OLFM4: variants seen among roughly 807,000 people sequenced by gnomAD.
OLFM4 encodes olfactomedin 4.
OLFM4 carries 22 observed loss-of-function variants against 25.5 expected under a neutral mutation model. That is an observed-to-expected ratio of 0.86 (90% CI 0.62 to 1.23). OLFM4 has a LOEUF of 1.23. Among genes scored for constraint, OLFM4 ranks in the 50% most tolerant of loss-of-function variants. The probability of loss-of-function intolerance (pLI) is 0.00; values close to 1 mark genes in which losing one functional copy is unlikely to be tolerated. For synonymous variants in OLFM4, 255 were observed against 237.7 expected, an observed-to-expected ratio of 1.07 and a Z score of -0.67; for missense variants, 594 against 619.4, an observed-to-expected ratio of 0.96 and a Z score of 0.44.
At chr13:53,045,060 G>A (rs769768513) in intron 4 of OLFM4, among the ~76,000 whole-genome samples, 3 of 152,212 alleles carry the variant, frequency 2.0e-5, no homozygotes, top group Non-Finnish European at 4.4e-5. Flanking sequence ...GGCCACACAA[G>A]TAGTTAATGA....
intron 1 of OLFM4, among the ~76,000 whole-genome samples, chr13:53,032,522 C>T (rs1411452386): frequency 2.6e-5 from 4 of 151,958 alleles, no homozygotes; most frequent in African/African-American, 7.3e-5. Flanking sequence ...TGTATCTTAC[C>T]GAGTCTTTAT....
intron 4 of OLFM4, among the ~76,000 whole-genome samples, chr13:53,043,564 T>A (rs183958225): frequency 6.6e-6 from 1 of 152,038 alleles, no homozygotes; most frequent in Admixed American, 6.6e-5. Flanking sequence ...AAAATCTCTA[T>A]GGTGATGGAG....
chr13:53,048,419 A>C (rs945647213), intron 4 of OLFM4, among the ~76,000 whole-genome samples: 4 of 152,112 alleles, frequency 2.6e-5, no homozygotes, highest in African/African-American at 7.2e-5. Context: ...CCAACTGTGG[A>C]TTTATGAGAG....
intron 3 of OLFM4, 64 bp from the exon 4 acceptor site, chr13:53,043,041 C>G: frequency 7.6e-7 from 1 of 1,323,250 alleles, no homozygotes; most frequent in Non-Finnish European, 1.0e-6. Flanking sequence ...AAATTCAGCC[C>G]TGGAATGTTT....
chr13:53,034,828 T>C (rs1187132319), intron 2 of OLFM4, among the ~76,000 whole-genome samples: 1 of 152,202 alleles, frequency 6.6e-6, no homozygotes, highest in East Asian at 1.9e-4. Context: ...ACGCTGCTTC[T>C]TCCTTTTGGT....
intron 2 of OLFM4, among the ~76,000 whole-genome samples, chr13:53,035,357 G>T (rs946319428): frequency 6.6e-6 from 1 of 151,654 alleles, no homozygotes; most frequent in Non-Finnish European, 1.5e-5. Context: ...TGTATTAATG[G>T]GGTACATGAG....
chr13:53,038,076 T>C (rs1415761889), intron 2 of OLFM4, among the ~76,000 whole-genome samples: 3 of 152,182 alleles, frequency 2.0e-5, no homozygotes, highest in African/African-American at 4.8e-5. Context: ...AAAACATAGA[T>C]GAGCCATCTA....
chr13:53,045,350 G>A (rs1954710594), intron 4 of OLFM4, among the ~76,000 whole-genome samples: 1 of 152,078 alleles, frequency 6.6e-6, no homozygotes, highest in South Asian at 2.1e-4. Context: ...CACAACCTTG[G>A]CTGTACCTGA....
chr13:53,051,934 T>A lies in OLFM4; in HGVS notation c.*1163T>A, dbSNP rs1283285290. On this transcript the variant is annotated 3_prime_UTR_variant, in exon 5 of 5. Coordinates refer to ENST00000219022, the MANE Select transcript of OLFM4 (RefSeq NM_006418.5). ...TGTGATGTGCTTCTGTGCTTTTGAA[T>A]GACTTTATCATCTAGTCTTTGTCTA... The A allele has an allele frequency of 6.6e-6, 1 of 152,196 alleles. No individual in the cohort carries two copies. The highest frequency in any genetic ancestry group is 1.5e-5 in the Non-Finnish European group (1 of 68,052). The allele number at this position is 152,196 out of a possible 1,614,324, so 9.4% of individuals were successfully genotyped here. A position where few individuals can be genotyped will look rare whatever the true frequency, so the allele number is the denominator to read the frequency against.
intron 4 of OLFM4, among the ~76,000 whole-genome samples, chr13:53,045,124 A>T (rs1954709380): frequency 6.6e-6 from 1 of 152,136 alleles, no homozygotes; most frequent in East Asian, 1.9e-4. Flanking sequence ...TTCAGGACCG[A>T]AGGTGTCAGG....
intron 3 of OLFM4, among the ~76,000 whole-genome samples, 162 bp downstream of exon 3, chr13:53,042,284 A>C (rs1039351002): frequency 6.6e-6 from 1 of 152,184 alleles, no homozygotes; most frequent in Non-Finnish European, 1.5e-5. Context: ...GGATAAGGGC[A>C]TGTGTTTGAA....
At position 53,050,172 on chromosome 13, in the gene OLFM4, T is replaced by A. The variant is rs1954738694; in HGVS notation, c.934T>A (p.Leu312Met). ...YYRLYNTLDD[L>M]LLYINARELR... Reference sequence around the variant, plus strand: ...TAGACTGTACAACACACTGGATGATTTGCTATTGTATATAAATGCTCGAGA... The same window carrying A: ...TAGACTGTACAACACACTGGATGATATGCTATTGTATATAAATGCTCGAGA... The change falls in exon 5 of 5, where the codon TTG (leucine) becomes ATG (methionine). Residue 312 changes from leucine to methionine, a missense_variant. Coordinates refer to ENST00000219022, the MANE Select transcript of OLFM4 (RefSeq NM_006418.5). The A allele has an allele frequency of 6.2e-7, 1 of 1,613,916 alleles. No individual in the cohort carries two copies. Among genetic ancestry groups the A allele is most frequent in the South Asian group, 1.1e-5 (1 of 91,078 alleles).
At position 53,050,549 on chromosome 13, in the gene OLFM4, TG is replaced by T. The variant is rs1954742134; in HGVS notation, c.1315del (p.Val439PhefsTer8). On this transcript the variant is annotated frameshift_variant, in exon 5 of 5. Coordinates refer to ENST00000219022, the MANE Select transcript of OLFM4 (RefSeq NM_006418.5). LOFTEE classifies it high-confidence loss of function. ...CTGCTTCTAACGCCTTCATGGTATG[TG>T]GGGTTCTGTATGCCACCCGTACTAT... ...PSASNAFMVC[G>X]VLYATRTMNT... 6.2e-7 allele frequency: 1 copy of T among 1,614,030 alleles called. No homozygotes were observed. Among genetic ancestry groups the T allele is most frequent in the East Asian group, 2.2e-5 (1 of 44,868 alleles).
In OLFM4 at chr13:53,041,531, G is replaced by C. The variant is rs181006554; in HGVS notation, c.358-379G>C. On this transcript the variant is annotated intron_variant, in intron 2 of 4. Transcript: ENST00000219022. Reference sequence around the variant, plus strand: ...AAAAATCTATTGGGTGCTAGGTTTAGTACCTGCGAGACAAAATAACCTTTA... The same window carrying C: ...AAAAATCTATTGGGTGCTAGGTTTACTACCTGCGAGACAAAATAACCTTTA... Among the ~76,000 whole-genome samples, 278 of 152,232 alleles carry C rather than the reference G, an allele frequency of 1.8e-3. 2 individuals are homozygous for C. Among genetic ancestry groups the C allele is most frequent in the South Asian group, 8.1e-3 (39 of 4,820 alleles).
At chr13:53,042,643 G>A (rs1340190307) in intron 3 of OLFM4, among the ~76,000 whole-genome samples, 1 of 152,122 alleles carries the variant, frequency 6.6e-6, no homozygotes, top group African/African-American at 2.4e-5. Flanking sequence ...TCACATTAAC[G>A]TTATGGTTGG....
At chr13:53,037,464 A>G (rs527344621) in intron 2 of OLFM4, among the ~76,000 whole-genome samples, 3 of 152,368 alleles carry the variant, frequency 2.0e-5, no homozygotes, top group Admixed American at 1.3e-4. Context: ...ATAGTGAAAT[A>G]TAATAAATTA....
At chr13:53,045,618 C>G (rs17552776) in intron 4 of OLFM4, among the ~76,000 whole-genome samples, 1,909 of 152,150 alleles carry the variant, frequency 0.013, 21 homozygotes, top group Non-Finnish European at 0.017. Context: ...TGCAGAGTTG[C>G]ACAGAATAAA....
At chr13:53,032,709 T>G (rs1176863645) in intron 1 of OLFM4, among the ~76,000 whole-genome samples, 1 of 140,610 alleles carries the variant, frequency 7.1e-6, no homozygotes, top group Non-Finnish European at 1.5e-5. Flanking sequence ...AAAATATGAT[T>G]GGATACACAC....
In OLFM4 at chr13:53,032,001, T is replaced by C. The variant is rs932961340; in HGVS notation, c.205-2347T>C. Among the ~76,000 whole-genome samples the C allele has an allele frequency of 6.6e-5, 10 of 152,234 alleles. No individual in the cohort carries two copies. In the South Asian group the frequency reaches 1.9e-3, roughly 28 times the overall value. ...ATGCGAGGAGCAGAAATATCTCTAA[T>C]GGGAGACACTGATCAAACTTATGGA... On this transcript the variant is annotated intron_variant, in intron 1 of 4. Transcript: ENST00000219022.
Sources: gnomAD v4.1 joint callset for allele counts (sites outside exome capture counted in the v4.1 genomes callset) on GRCh38, gnomAD v4.1.1 for gene constraint, MANE v1.5 for transcripts, NCBI Gene and HGNC (gene_info 2026-07-23, HGNC 2026-07-21) for gene names.